IMPG1: variants seen among roughly 807,000 people sequenced by gnomAD.
IMPG1 encodes interphotoreceptor matrix proteoglycan of 150 kDa.
IMPG1 carries 85 observed loss-of-function variants against 92.0 expected under a neutral mutation model. The observed-to-expected ratio is 0.92, with a 90% confidence interval of 0.78 to 1.11. The LOEUF (loss-of-function observed/expected upper bound fraction) is 1.11, where lower values mean the gene tolerates loss of function less well. Among genes scored for constraint, IMPG1 ranks in the 50% least tolerant of loss-of-function variants. The probability of loss-of-function intolerance (pLI) is 0.00; values close to 1 mark genes in which losing one functional copy is unlikely to be tolerated. For synonymous variants in IMPG1, 367 were observed against 334.1 expected (o/e 1.10, Z -1.08); for missense variants, 1,022 against 956.0 (o/e 1.07, Z -0.91).
At chr6:76,014,869 A>G (rs182111603) in intron 7 of IMPG1, among the ~76,000 whole-genome samples, 4 of 152,242 alleles carry the variant, frequency 2.6e-5, no homozygotes, top group Admixed American at 2.6e-4. Context: ...TTGTGAACCT[A>G]TCTGGGATTG....
intron 1 of IMPG1, among the ~76,000 whole-genome samples, chr6:76,061,268 T>C (rs2019608): frequency 1 from 151,859 of 152,376 alleles, 75,671 homozygotes; most frequent in East Asian, 1. Flanking sequence ...GAAGTATCTT[T>C]AATTTACATA....
chr6:76,048,961 G>T (rs1008915926), intron 1 of IMPG1, among the ~76,000 whole-genome samples: 1 of 152,170 alleles, frequency 6.6e-6, no homozygotes, highest in South Asian at 2.1e-4. Context: ...ATGCCCATCA[G>T]TGATAGACTG....
intron 14 of IMPG1, among the ~76,000 whole-genome samples, chr6:75,944,650 ATC>A (rs2149455128): frequency 6.6e-6 from 1 of 152,342 alleles, no homozygotes; most frequent in East Asian, 1.9e-4. Flanking sequence ...CTCTCCAGGT[ATC>A]TGGTAAGGAA....
chr6:75,970,923 A>G (rs1782402550), intron 12 of IMPG1, among the ~76,000 whole-genome samples: 1 of 152,154 alleles, frequency 6.6e-6, no homozygotes, highest in South Asian at 2.1e-4. Flanking sequence ...TTCCTCAGGG[A>G]TCTAGAACTA....
intron 15 of IMPG1, among the ~76,000 whole-genome samples, chr6:75,926,176 A>G (rs1017492559): frequency 6.6e-6 from 1 of 152,220 alleles, no homozygotes; most frequent in African/African-American, 2.4e-5. Context: ...AGAACTGTCA[A>G]GACCAGGAGA....
chr6:76,064,522 G>A (rs541550383), intron 1 of IMPG1, among the ~76,000 whole-genome samples: 1 of 152,176 alleles, frequency 6.6e-6, no homozygotes, highest in East Asian at 1.9e-4. Flanking sequence ...AGCTGAGGTA[G>A]CTCCCTCTCC....
At chr6:76,055,797 T>C (rs1320342108) in intron 1 of IMPG1, among the ~76,000 whole-genome samples, 3 of 152,076 alleles carry the variant, frequency 2.0e-5, no homozygotes, top group Non-Finnish European at 2.9e-5. Flanking sequence ...AATAATGTTT[T>C]ATCCATAAAT....
chr6:75,958,113 C>T (rs1782158815), intron 12 of IMPG1, among the ~76,000 whole-genome samples: 1 of 152,142 alleles, frequency 6.6e-6, no homozygotes, highest in Non-Finnish European at 1.5e-5. Context: ...TCAATATTTG[C>T]TTGTCTGTAA....
chr6:75,987,811 AT>A (rs911567801), intron 12 of IMPG1, among the ~76,000 whole-genome samples: 1 of 150,896 alleles, frequency 6.6e-6, no homozygotes, highest in African/African-American at 2.4e-5. Context: ...GGCCCGACTA[AT>A]TTTTTTTTGT....
chr6:75,964,510 C>G (rs1206973095), intron 12 of IMPG1, among the ~76,000 whole-genome samples: 1 of 151,796 alleles, frequency 6.6e-6, no homozygotes, highest in African/African-American at 2.4e-5. Context: ...AACCCCATCT[C>G]TTCTAAAAAT....
At chr6:76,009,487 A>G (rs1442586551) in intron 8 of IMPG1, among the ~76,000 whole-genome samples, 1 of 152,202 alleles carries the variant, frequency 6.6e-6, no homozygotes, top group African/African-American at 2.4e-5. Context: ...CCTTAATAAC[A>G]TGTTTACTTT....
In IMPG1 at chr6:75,999,117, A is replaced by G. The variant is rs181517028; in HGVS notation, c.1291+3801T>C. Among the ~76,000 whole-genome samples, 3 of 152,268 alleles carry G rather than the reference A, an allele frequency of 2.0e-5. No homozygotes were observed. The East Asian group carries it at 5.8e-4, about 29-fold the overall frequency. Reference sequence around the variant, plus strand: ...AGGGATCTGCCTGCCTCGGCCTCCCAAAGTGCTGGGATTACAGGCATGAGC... The same window carrying G: ...AGGGATCTGCCTGCCTCGGCCTCCCGAAGTGCTGGGATTACAGGCATGAGC... On this transcript the variant is annotated intron_variant, in intron 12 of 16. Coordinates refer to ENST00000369950, the MANE Select transcript of IMPG1 (RefSeq NM_001563.4).
intron 4 of IMPG1, among the ~76,000 whole-genome samples, chr6:76,029,036 A>G (rs1477871071): frequency 1.3e-5 from 2 of 152,242 alleles, no homozygotes; most frequent in African/African-American, 2.4e-5. Flanking sequence ...GTTTGACTGA[A>G]AGTGTATGCT....
At chr6:75,948,346 C>T (rs533362987) in intron 13 of IMPG1, among the ~76,000 whole-genome samples, 1 of 150,836 alleles carries the variant, frequency 6.6e-6, no homozygotes, top group South Asian at 2.1e-4. Context: ...TGATGTTCAC[C>T]TTGTCCTTGG....
intron 8 of IMPG1, among the ~76,000 whole-genome samples, chr6:76,008,508 A>C (rs1306565171): frequency 6.6e-6 from 1 of 152,166 alleles, no homozygotes. Context: ...TGTACATGCT[A>C]CAGGCATGCC....
At position 76,005,416 on chromosome 6, in the gene IMPG1, A is replaced by C; in HGVS notation, c.1006T>G (p.Tyr336Asp). Reference protein sequence around the residue: ...DSNKIESEEVYHGTMEEDKQP... With the variant: ...DSNKIESEEVDHGTMEEDKQP... ...TTGTCCTCCTCCATGGTTCCATGAT[A>C]GACTTCCTCACTTTCAATTTTGTTG... Residue 336 changes from tyrosine to aspartate, a missense_variant, in exon 10 of 17, where the codon TAT (tyrosine) becomes GAT (aspartate). Around this residue, in one of 3 missense-constraint regions of IMPG1, gnomAD observed 681 missense variants for 583.6 expected, o/e 1.17. Coordinates refer to ENST00000369950, the MANE Select transcript of IMPG1 (RefSeq NM_001563.4). 6.2e-7 allele frequency: 1 copy of C among 1,614,104 alleles called. No homozygotes were observed. The highest frequency in any genetic ancestry group is 8.5e-7 in the Non-Finnish European group (1 of 1,179,986).
Position 76,062,950 on chromosome 6 carries a change from T to C in IMPG1, c.67+9472A>G, listed in dbSNP as rs147022813. Among the ~76,000 whole-genome samples the C allele has an allele frequency of 2.0e-3, 307 of 151,552 alleles. 4 individuals are homozygous for C. The East Asian group carries it at 0.054, about 27-fold the overall frequency. ...GACTTGGGGTGGCTCACGCCTGTAA[T>C]CCCAGCACTTTAGGAGGCCGAGGTG... On this transcript the variant is annotated intron_variant, in intron 1 of 16. Transcript: ENST00000369950.
intron 15 of IMPG1, 78 bp downstream of exon 15, chr6:75,930,875 A>C: frequency 3.1e-6 from 4 of 1,284,024 alleles, no homozygotes. Flanking sequence ...GGACCATATG[A>C]ATTTACTCTA....
intron 14 of IMPG1, among the ~76,000 whole-genome samples, chr6:75,946,467 G>C (rs1307025614): frequency 6.6e-6 from 1 of 152,148 alleles, no homozygotes; most frequent in Non-Finnish European, 1.5e-5. Context: ...ATTTGACTGG[G>C]AGGTAGCTTT....
Sources: allele counts gnomAD v4.1 joint callset (sites outside exome capture counted in the v4.1 genomes callset), GRCh38; gene constraint gnomAD v4.1.1; regional missense constraint gnomAD v4.1.1; transcripts MANE v1.5; gene names NCBI Gene and HGNC (gene_info 2026-07-23, HGNC 2026-07-21).